The following BTG4 variants were observed in gnomAD, a reference collection of about 807,000 sequenced individuals.
The protein encoded by BTG4 is BTG anti-proliferation factor 4, also known as protein BTG4.
Under a neutral mutation model 19.3 loss-of-function variants are expected in BTG4, and 10 were observed. The ratio of observed to expected loss-of-function variants is 0.52; its 90% CI spans 0.32 to 0.88. The LOEUF is 0.88. Ranked by LOEUF, BTG4 falls within the 40% of genes least tolerant of loss-of-function variation. The pLI is 0.04. For missense variants in BTG4, 238 were observed against 281.9 expected, an observed-to-expected ratio of 0.84 and a Z score of 1.11; for synonymous variants, 91 against 95.7, an observed-to-expected ratio of 0.95 and a Z score of 0.29.
intron 5 of BTG4, among the ~76,000 whole-genome samples, chr11:111,486,565 C>T (rs1488007785): frequency 1.3e-5 from 2 of 152,084 alleles, no homozygotes; most frequent in Non-Finnish European, 2.9e-5. Context: ...ATATCAAACC[C>T]AGACAAAGAT....
At chr11:111,511,109 A>C (rs1424626592) in intron 1 of BTG4, among the ~76,000 whole-genome samples, 1 of 152,246 alleles carries the variant, frequency 6.6e-6, no homozygotes, top group East Asian at 1.9e-4. Flanking sequence ...GTGTGCTAAA[A>C]CACCGTGCCC....
chr11:111,477,491 A>G (rs1303027773), intron 5 of BTG4, among the ~76,000 whole-genome samples: 1 of 152,160 alleles, frequency 6.6e-6, no homozygotes, highest in Non-Finnish European at 1.5e-5. Context: ...AGTGATACAT[A>G]GAATTCTATC....
chr11:111,428,385 T>C, the BTG4 span, among the ~76,000 whole-genome samples: 1 of 152,212 alleles, frequency 6.6e-6, no homozygotes, highest in Admixed American at 6.5e-5. Flanking sequence ...GTATTGTTTC[T>C]GCTGCTTTTC....
At chr11:111,506,891 A>G (rs930598891) in intron 1 of BTG4, among the ~76,000 whole-genome samples, 1 of 152,084 alleles carries the variant, frequency 6.6e-6, no homozygotes, top group African/African-American at 2.4e-5. Context: ...TTACCCAGGA[A>G]GTAGAATTTG....
At chr11:111,418,277 C>T in the BTG4 span, 3 of 152,168 alleles carry the variant, frequency 2.0e-5, no homozygotes, top group African/African-American at 7.2e-5. Context: ...GCCATTCGCC[C>T]AACACATTAG....
chr11:111,433,569 T>G, the BTG4 span, among the ~76,000 whole-genome samples: 1 of 152,280 alleles, frequency 6.6e-6, no homozygotes, highest in East Asian at 1.9e-4. Context: ...CTAATTAAAC[T>G]AAAGAGCTTC....
the BTG4 span, among the ~76,000 whole-genome samples, chr11:111,393,329 T>A: frequency 6.6e-6 from 1 of 152,282 alleles, no homozygotes; most frequent in African/African-American, 2.4e-5. Context: ...GATTAGAGCA[T>A]CCAAAGCAAA....
At chr11:111,398,786 T>C in the BTG4 span, among the ~76,000 whole-genome samples, 24 of 152,104 alleles carry the variant, frequency 1.6e-4, no homozygotes, top group East Asian at 1.5e-3. Context: ...GTTTTGTTTT[T>C]GTTTTTTTTT....
the BTG4 span, among the ~76,000 whole-genome samples, chr11:111,391,329 C>T: frequency 6.6e-6 from 1 of 152,164 alleles, no homozygotes; most frequent in Non-Finnish European, 1.5e-5. Context: ...CATTTTCTGT[C>T]GCTCCAAATT....
the BTG4 span, among the ~76,000 whole-genome samples, chr11:111,446,760 G>T: frequency 6.6e-6 from 1 of 151,952 alleles, no homozygotes; most frequent in Non-Finnish European, 1.5e-5. Flanking sequence ...ACAAACAAAG[G>T]CAAAGCAGAT....
In BTG4 at chr11:111,507,070, C is replaced by A. The variant is rs1327151653; in HGVS notation, c.-27+5111G>T. On this transcript the variant is annotated intron_variant, in intron 1 of 4. Coordinates refer to ENST00000692032, the MANE Select transcript of BTG4 (RefSeq NM_001367975.1). ...TTTTTAACTAAATATAAGTTTCCCA[C>A]TTTAAAAAAAAAAAGCTTAAGTGCC... Among the ~76,000 whole-genome samples the A allele has an allele frequency of 2.5e-4, 37 of 150,556 alleles. 1 individual carries two copies. Among genetic ancestry groups the A allele is most frequent in the Middle Eastern group, 6.8e-3 (2 of 292 alleles).
At chr11:111,396,203 C>T in the BTG4 span, among the ~76,000 whole-genome samples, 1 of 152,180 alleles carries the variant, frequency 6.6e-6, no homozygotes, top group African/African-American at 2.4e-5. Context: ...AAATAGTTGG[C>T]GCTTTGGGGA....
intron 5 of BTG4, among the ~76,000 whole-genome samples, chr11:111,486,564 C>T (rs1423653308): frequency 2.6e-5 from 4 of 152,016 alleles, no homozygotes; most frequent in Admixed American, 2.6e-4. Context: ...GATATCAAAC[C>T]CAGACAAAGA....
intron 3 of BTG4, 48 bp downstream of exon 3, chr11:111,497,950 T>A: frequency 6.3e-7 from 1 of 1,588,718 alleles, no homozygotes; most frequent in Middle Eastern, 1.7e-4. Context: ...GTTGTCTAAC[T>A]TAAGGTTTCC....
chr11:111,449,761 G>C, the BTG4 span: 1 of 152,462 alleles, frequency 6.6e-6, no homozygotes, highest in Middle Eastern at 3.4e-3. Flanking sequence ...AAGCCCTGGG[G>C]CTCTGCCTGT....
the BTG4 span, among the ~76,000 whole-genome samples, chr11:111,433,427 G>C: frequency 4.6e-5 from 7 of 152,274 alleles, no homozygotes; most frequent in African/African-American, 1.2e-4. Flanking sequence ...AGACTTAAAT[G>C]TAAGACTTAA....
chr11:111,407,129 A>G, the BTG4 span, among the ~76,000 whole-genome samples: 2 of 149,230 alleles, frequency 1.3e-5, no homozygotes, highest in Non-Finnish European at 3.0e-5. Context: ...CATATACTAT[A>G]TATTATTATA....
chr11:111,478,451 G>A (rs564368563), intron 5 of BTG4, among the ~76,000 whole-genome samples: 1 of 152,130 alleles, frequency 6.6e-6, no homozygotes, highest in South Asian at 2.1e-4. Context: ...TCCAGGTTTG[G>A]CAAAAATCAT....
intron 5 of BTG4, among the ~76,000 whole-genome samples, chr11:111,473,645 G>C (rs1463984182): frequency 6.6e-6 from 1 of 152,114 alleles, no homozygotes; most frequent in Admixed American, 6.6e-5. Flanking sequence ...AGAGAGCATA[G>C]AGCATTGGTC....
Sources: allele counts gnomAD v4.1 joint callset (sites outside exome capture counted in the v4.1 genomes callset), GRCh38; gene constraint gnomAD v4.1.1; transcripts MANE v1.5; gene names NCBI Gene and HGNC (gene_info 2026-07-23, HGNC 2026-07-21).